TNS4: variants seen among roughly 807,000 people sequenced by gnomAD.
The protein encoded by TNS4 is tensin 4.
Under a neutral mutation model 70.4 loss-of-function variants are expected in TNS4, and 46 were observed. That is an observed-to-expected ratio of 0.65 (90% CI 0.52 to 0.84). TNS4 has a LOEUF of 0.84. TNS4 is among the 40% of genes least tolerant of loss of function. The pLI is 0.00. For missense variants in TNS4, 863 were observed against 907.0 expected (o/e 0.95, Z 0.62); for synonymous variants, 390 against 366.6 (o/e 1.06, Z -0.73).
At chr17:40,498,557 C>T (rs920826580) in intron 1 of TNS4, among the ~76,000 whole-genome samples, 8 of 152,132 alleles carry the variant, frequency 5.3e-5, no homozygotes, top group Admixed American at 4.6e-4. Context: ...ATTGTCAGTC[C>T]TCTTGTTTTT....
Position 40,477,347 on chromosome 17 carries a change from A to T in TNS4, c.*241T>A. On this transcript the variant is annotated 3_prime_UTR_variant, in exon 13 of 13. Transcript: ENST00000254051. ...GTTCAAATGCCCACCAGCATCTAAGAACAGCTGATCTTGTCTATTGGTCTT... is the reference window on the plus strand; with the variant it reads ...GTTCAAATGCCCACCAGCATCTAAGTACAGCTGATCTTGTCTATTGGTCTT... 1 of 496,596 alleles carries T rather than the reference A, an allele frequency of 2.0e-6. No homozygotes were observed. The highest frequency in any genetic ancestry group is 1.9e-5 in the African/African-American group (1 of 51,450). The allele number at this position is 496,596 out of a possible 1,614,324, so 30.8% of individuals were successfully genotyped here.
chr17:40,489,258 CA>C (rs968443150), intron 2 of TNS4, among the ~76,000 whole-genome samples: 27 of 152,250 alleles, frequency 1.8e-4, no homozygotes, highest in African/African-American at 6.5e-4. Context: ...AGAGTTTGGC[CA>C]AAAGACTTCA....
At chr17:40,494,442 A>G (rs1189826509) in intron 2 of TNS4, among the ~76,000 whole-genome samples, 1 of 152,184 alleles carries the variant, frequency 6.6e-6, no homozygotes, top group African/African-American at 2.4e-5. Flanking sequence ...AACAGAGATA[A>G]AATATTCGGC....
intron 11 of TNS4, 100 bp downstream of exon 11, chr17:40,478,480 C>T: frequency 6.5e-7 from 1 of 1,541,220 alleles, no homozygotes; most frequent in Non-Finnish European, 8.9e-7. Flanking sequence ...TTGAGGTTCA[C>T]AGGCTCCCTC....
At chr17:40,480,086 G>A in intron 9 of TNS4, 1 of 533,154 alleles carries the variant, frequency 1.9e-6, no homozygotes, top group Non-Finnish European at 3.3e-6. Context: ...GGCAGGGGAG[G>A]GGATGTTGCC....
rs2143770072 is a variant in TNS4, at chr17:40,476,644, TACCTG to T, written c.*939_*943del. 1 of 152,268 alleles carries T rather than the reference TACCTG, an allele frequency of 6.6e-6. No homozygotes were observed. Among genetic ancestry groups the T allele is most frequent in the East Asian group, 1.9e-4 (1 of 5,162 alleles). The allele number at this position is 152,268 out of a possible 1,614,324, so 9.4% of individuals were successfully genotyped here. Reference sequence around the variant, plus strand: ...CTTTGGGAGGCCGAAGCAGGTGGATTACCTGCGGTCAGGAGTTCAAGACCAGCCTG... The same window carrying T: ...CTTTGGGAGGCCGAAGCAGGTGGATTCGGTCAGGAGTTCAAGACCAGCCTG... On this transcript the variant is annotated 3_prime_UTR_variant, in exon 13 of 13. Coordinates refer to ENST00000254051, the MANE Select transcript of TNS4 (RefSeq NM_032865.6).
At chr17:40,495,926 C>T in intron 2 of TNS4, 61 bp downstream of exon 2, 2 of 1,524,420 alleles carry the variant, frequency 1.3e-6, no homozygotes, top group South Asian at 1.3e-5. Flanking sequence ...TAGGAAAATC[C>T]TTCTTCCTCA....
chr17:40,496,119 C>T lies in TNS4; in HGVS notation c.307G>A (p.Glu103Lys). The change falls in exon 2 of 13, where the codon GAG becomes AAG. Residue 103 changes from glutamate to lysine, a missense_variant. By Grantham distance (56) the Glu-to-Lys change is moderately conservative (BLOSUM62 1). Transcript: ENST00000254051. ...DLDSYIDFSL[E>K]SLNQMILELD... ...TCCAGGATCATCTGATTGAGGCTCT[C>T]CAGTGAGAAGTCAATGTAGGAGTCA... 2 of 1,610,604 alleles carry T rather than the reference C, an allele frequency of 1.2e-6. No individual in the cohort carries two copies. Among genetic ancestry groups the T allele is most frequent in the Non-Finnish European group, 1.7e-6 (2 of 1,178,702 alleles).
chr17:40,491,406 A>G (rs1436251137), intron 2 of TNS4, among the ~76,000 whole-genome samples: 1 of 152,208 alleles, frequency 6.6e-6, no homozygotes, highest in Non-Finnish European at 1.5e-5. Flanking sequence ...CAGATGGGAA[A>G]TCTGGAAGGC....
At chr17:40,487,581 A>T in intron 3 of TNS4, 121 bp from the exon 4 acceptor site, 1 of 1,009,062 alleles carries the variant, frequency 9.9e-7, no homozygotes, top group Admixed American at 2.7e-5. Context: ...AACACTGCAT[A>T]CCCCACCCCC....
intron 2 of TNS4, among the ~76,000 whole-genome samples, chr17:40,493,418 G>A (rs886926680): frequency 6.6e-6 from 1 of 152,154 alleles, no homozygotes; most frequent in Admixed American, 6.5e-5. Flanking sequence ...ACTGCTATAG[G>A]CCAGTGAGAG....
chr17:40,501,068 G>T (rs1476156695), intron 1 of TNS4, among the ~76,000 whole-genome samples: 2 of 152,200 alleles, frequency 1.3e-5, no homozygotes, highest in East Asian at 1.9e-4. Context: ...CGCGGTCTGT[G>T]ATCCTGAGAC....
At position 40,488,865 on chromosome 17, in the gene TNS4, C is replaced by T; in HGVS notation, c.544G>A (p.Gly182Ser). 6.2e-7 allele frequency: 1 copy of T among 1,613,450 alleles called. No individual in the cohort carries two copies. Among genetic ancestry groups the T allele is most frequent in the East Asian group, 2.2e-5 (1 of 44,872 alleles). The change falls in exon 3 of 13, where the codon GGT (glycine) becomes AGT (serine). Residue 182 changes from glycine (G) to serine (S), a missense_variant. By Grantham distance (56) the Gly-to-Ser change is moderately conservative. Coordinates refer to ENST00000254051, the MANE Select transcript of TNS4 (RefSeq NM_032865.6). Reference protein sequence around the residue: ...VTPPFGSLRSGGLLLSRDVPR... With the variant: ...VTPPFGSLRSSGLLLSRDVPR... ...ACGTCTCTGGAAAGGAGGAGGCCAC[C>T]ACTGCGAAGGGAGCCGAAGGGCGGG...
At position 40,484,930 on chromosome 17, in the gene TNS4, G is replaced by A. The variant is rs753040578; in HGVS notation, c.1366C>T (p.Arg456Ter). ...SKYWFKPNIT[R>*]EQAIELLRKE... ...TCGTGCTTCCTTTTACCTTGCTCTC[G>A]GGTGATGTTTGGCTTAAACCAGTAT... is the stretch of plus-strand genomic sequence containing the variant. The change falls in exon 5 of 13, where the codon CGA becomes TGA. Residue 456 changes from arginine (R) to a stop codon, truncating the protein, a stop_gained. Coordinates refer to ENST00000254051, the MANE Select transcript of TNS4 (RefSeq NM_032865.6). LOFTEE classifies it high-confidence loss of function. 8.1e-6 allele frequency: 13 copies of A among 1,613,980 alleles called. No homozygotes were observed. Among genetic ancestry groups the A allele is most frequent in the South Asian group, 1.1e-5 (1 of 91,070 alleles).
At chr17:40,497,862 T>G (rs1362160766) in intron 1 of TNS4, among the ~76,000 whole-genome samples, 1 of 152,198 alleles carries the variant, frequency 6.6e-6, no homozygotes, top group East Asian at 1.9e-4. Context: ...CATCATCAGA[T>G]GATATTCATT....
rs1415411372 is a variant in TNS4, at chr17:40,475,951, T to C, written c.*1637A>G. On this transcript the variant is annotated 3_prime_UTR_variant, in exon 13 of 13. Transcript: ENST00000254051. ...GTGACCTTGAGAACCTCATCTCACA[T>C]TCTGCAGACTTTGGCGGCGGGGCAG... The C allele has an allele frequency of 6.6e-6, 1 of 152,300 alleles. No homozygotes were observed. Among genetic ancestry groups the C allele is most frequent in the African/African-American group, 2.4e-5 (1 of 41,462 alleles). The allele number at this position is 152,300 out of a possible 1,614,324, so 9.4% of individuals were successfully genotyped here.
intron 10 of TNS4, 122 bp downstream of exon 10, chr17:40,479,552 G>A: frequency 8.0e-7 from 1 of 1,244,630 alleles, no homozygotes; most frequent in Non-Finnish European, 1.1e-6. Context: ...CACATCACTG[G>A]CCCCGCTGGG....
Position 40,484,902 on chromosome 17 carries a change from C to T in TNS4, c.1375+19G>A. On this transcript the variant is annotated intron_variant, in intron 5 of 12. Transcript: ENST00000254051. ...CAAGACCCAGACCCTATTCTGGGGTCACTCGTGCTTCCTTTTACCTTGCTC... is the reference window on the plus strand; with the variant it reads ...CAAGACCCAGACCCTATTCTGGGGTTACTCGTGCTTCCTTTTACCTTGCTC... The T allele has an allele frequency of 6.2e-7, 1 of 1,613,422 alleles. No homozygotes were observed. The highest frequency in any genetic ancestry group is 1.1e-5 in the South Asian group (1 of 91,032).
In TNS4 at chr17:40,496,030, C is replaced by T. The variant is rs753957264; in HGVS notation, c.396G>A (p.Gln132=). Residue 132 remains glutamine (Q), a synonymous_variant, in exon 2 of 13, where the codon CAG becomes CAA. Transcript: ENST00000254051. ...GTGGSQAELA[Q]STMSMRKKEE... Reference sequence around the variant, plus strand: ...CCTTCTTTCTCATTGACATGGTGCTCTGGGCCAGCTCAGCCTGGGAGCCCC... The same window carrying T: ...CCTTCTTTCTCATTGACATGGTGCTTTGGGCCAGCTCAGCCTGGGAGCCCC... The T allele has an allele frequency of 1.2e-6, 2 of 1,613,504 alleles. No individual in the cohort carries two copies. Among genetic ancestry groups the T allele is most frequent in the Admixed American group, 1.7e-5 (1 of 59,852 alleles).
Sources: gnomAD v4.1 joint callset for allele counts (sites outside exome capture counted in the v4.1 genomes callset) on GRCh38, gnomAD v4.1.1 for gene constraint, MANE v1.5 for transcripts, NCBI Gene and HGNC (gene_info 2026-07-23, HGNC 2026-07-21) for gene names.